Variants in ZC3HAV1 observed in about 807,000 individuals in gnomAD.
ZC3HAV1 encodes the protein zinc finger CCCH-type antiviral protein 1.
Under a neutral mutation model 86.6 loss-of-function variants are expected in ZC3HAV1, and 41 were observed. That is an observed-to-expected ratio of 0.47 (90% confidence interval 0.37 to 0.61). The LOEUF is 0.61. ZC3HAV1 is among the 20% of genes least tolerant of loss of function. The pLI is 0.00. For missense variants in ZC3HAV1, 964 were observed against 1,141.1 expected, an observed-to-expected ratio of 0.84 and a Z score of 2.24; for synonymous variants, 421 against 432.1, an observed-to-expected ratio of 0.97 and a Z score of 0.32.
At chr7:139,062,709 A>G (rs1314672611) in intron 8 of ZC3HAV1, among the ~76,000 whole-genome samples, 1 of 152,202 alleles carries the variant, frequency 6.6e-6, no homozygotes, top group Non-Finnish European at 1.5e-5. Context: ...AATGCATGAC[A>G]GAATACACTT....
At chr7:139,077,683 G>T (rs1436216434) in intron 5 of ZC3HAV1, among the ~76,000 whole-genome samples, 1 of 152,226 alleles carries the variant, frequency 6.6e-6, no homozygotes, top group Non-Finnish European at 1.5e-5. Flanking sequence ...AATGCCGGCT[G>T]AAGAATGAAT....
Position 139,109,227 on chromosome 7 carries a change from C to T in ZC3HAV1, c.105G>A (p.Pro35=). 1 of 1,610,652 alleles carries T rather than the reference C, an allele frequency of 6.2e-7. No individual in the cohort carries two copies. The highest frequency in any genetic ancestry group is 2.2e-5 in the East Asian group (1 of 44,754). Residue 35 remains proline (P), a synonymous_variant, in exon 1 of 13, where the codon CCG becomes CCA. Coordinates refer to ENST00000242351, the MANE Select transcript of ZC3HAV1 (RefSeq NM_020119.4). Reference sequence around the variant, plus strand: ...CCACCTGCAGCACCTCACAGAGCTGCGGCTCAGACAGCGCGATCTCCTGGA... The same window carrying T: ...CCACCTGCAGCACCTCACAGAGCTGTGGCTCAGACAGCGCGATCTCCTGGA... ...ALLQEIALSE[P]QLCEVLQVAG...
chr7:139,102,910 T>G lies in ZC3HAV1; in HGVS notation c.308+6114A>C, dbSNP rs567058608. Among the ~76,000 whole-genome samples, 28 of 146,998 alleles carry G rather than the reference T, an allele frequency of 1.9e-4. No individual in the cohort carries two copies. In the South Asian group the frequency reaches 6.0e-3, roughly 31 times the overall value. On this transcript the variant is annotated intron_variant, in intron 1 of 12. Transcript: ENST00000242351. ...ACTCCAGAGTGGTGACAGAACAAGA[T>G]CCTGTCTCAAAAAAAAAAAAAGTAT... is the stretch of plus-strand genomic sequence containing the variant.
intron 8 of ZC3HAV1, among the ~76,000 whole-genome samples, chr7:139,062,640 A>G (rs1177401790): frequency 2.0e-5 from 3 of 152,156 alleles, no homozygotes; most frequent in African/African-American, 2.4e-5. Flanking sequence ...CAACTTCATC[A>G]CTGTATCCCA....
chr7:139,107,473 T>A (rs1391129123), intron 1 of ZC3HAV1, among the ~76,000 whole-genome samples: 1 of 152,062 alleles, frequency 6.6e-6, no homozygotes, highest in East Asian at 1.9e-4. Context: ...ATATTGGGGG[T>A]GAGTGACTGG....
At chr7:139,053,852 C>A in intron 11 of ZC3HAV1, 113 bp downstream of exon 11, 1 of 1,358,462 alleles carries the variant, frequency 7.4e-7, no homozygotes, top group Non-Finnish European at 9.8e-7. Flanking sequence ...AGACTAGCGC[C>A]TAAAGGAACT....
intron 1 of ZC3HAV1, among the ~76,000 whole-genome samples, chr7:139,100,453 G>A (rs1010991189): frequency 1.3e-5 from 2 of 151,816 alleles, no homozygotes; most frequent in African/African-American, 4.8e-5. Context: ...AGAATGGCGT[G>A]AACCCAGGAG....
At chr7:139,084,388 A>G (rs1334074239) in intron 2 of ZC3HAV1, among the ~76,000 whole-genome samples, 2 of 152,374 alleles carry the variant, frequency 1.3e-5, no homozygotes, top group South Asian at 4.1e-4. Flanking sequence ...TGAAAAGGAC[A>G]TGTGGGTCTT....
chr7:139,103,415 T>C (rs971755124), intron 1 of ZC3HAV1, among the ~76,000 whole-genome samples: 3 of 152,044 alleles, frequency 2.0e-5, no homozygotes, highest in African/African-American at 7.2e-5. Flanking sequence ...AAAAAAATTT[T>C]TTTTGAATTC....
Position 139,073,877 on chromosome 7 carries a change from TG to T in ZC3HAV1, c.1850del (p.Thr617AsnfsTer45). On this transcript the variant is annotated frameshift_variant, in exon 7 of 13. Coordinates refer to ENST00000242351, the MANE Select transcript of ZC3HAV1 (RefSeq NM_020119.4). LOFTEE classifies it high-confidence loss of function. The stretch of plus-strand genomic sequence containing the variant: ...TCACCTCTTCTCCATACTGAATCCA[TG>T]TGCCAGATTCATTCTTCCAATACCA... The part of the protein sequence containing the change: ...WIWYWKNESG[T>X]WIQYGEEKDK... The T allele has an allele frequency of 1.2e-6, 2 of 1,613,062 alleles. No individual in the cohort carries two copies. Among genetic ancestry groups the T allele is most frequent in the Non-Finnish European group, 1.7e-6 (2 of 1,179,260 alleles).
At chr7:139,079,119 T>C in intron 4 of ZC3HAV1, 2 of 1,536,166 alleles carry the variant, frequency 1.3e-6, no homozygotes, top group Non-Finnish European at 1.7e-6. Context: ...GCAGAGCCTG[T>C]TGTCTTCCTT....
chr7:139,076,155 C>T, intron 6 of ZC3HAV1, 131 bp downstream of exon 6: 1 of 1,429,376 alleles, frequency 7.0e-7, no homozygotes, highest in Non-Finnish European at 9.5e-7. Context: ...TTTTTTATCT[C>T]AAGAGGTATT....
chr7:139,075,388 T>C (rs577604231), intron 6 of ZC3HAV1, among the ~76,000 whole-genome samples: 22 of 152,286 alleles, frequency 1.4e-4, no homozygotes, highest in Non-Finnish European at 2.4e-4. Context: ...ATAAATACGG[T>C]CATATGGGTA....
chr7:139,090,191 G>C (rs1468508922), intron 1 of ZC3HAV1, among the ~76,000 whole-genome samples: 5 of 152,140 alleles, frequency 3.3e-5, no homozygotes, highest in Admixed American at 2.6e-4. Context: ...AAAGTGCTGG[G>C]ATTACAGGTA....
At chr7:139,099,307 C>T (rs140705006) in intron 1 of ZC3HAV1, among the ~76,000 whole-genome samples, 1 of 152,272 alleles carries the variant, frequency 6.6e-6, no homozygotes, top group African/African-American at 2.4e-5. Flanking sequence ...TAACATGACT[C>T]CATGGACAGT....
intron 7 of ZC3HAV1, among the ~76,000 whole-genome samples, chr7:139,071,696 GC>G (rs1485531170): frequency 6.6e-6 from 1 of 152,166 alleles, no homozygotes; most frequent in Non-Finnish European, 1.5e-5. Flanking sequence ...CCACAGAGAT[GC>G]TACATGGGCC....
At chr7:139,071,739 G>C (rs908322982) in intron 7 of ZC3HAV1, among the ~76,000 whole-genome samples, 37 of 152,172 alleles carry the variant, frequency 2.4e-4, no homozygotes, top group African/African-American at 8.4e-4. Context: ...ACAAGGAGGG[G>C]TCCAGGAGAC....
At chr7:139,055,037 G>A (rs927362587) in intron 10 of ZC3HAV1, among the ~76,000 whole-genome samples, 168 bp downstream of exon 10, 3 of 152,196 alleles carry the variant, frequency 2.0e-5, no homozygotes, top group South Asian at 2.1e-4. Flanking sequence ...CAATCCACTC[G>A]CCTCGGCCTC....
At chr7:139,054,137 T>C (rs758329421) in intron 10 of ZC3HAV1, 42 bp from the exon 11 acceptor site, 1 of 1,528,850 alleles carries the variant, frequency 6.5e-7, no homozygotes, top group Non-Finnish European at 8.7e-7. Context: ...ATAGGAAACA[T>C]TTAAAGCATG....
Sources: gnomAD v4.1 joint callset for allele counts (sites outside exome capture counted in the v4.1 genomes callset) on GRCh38, gnomAD v4.1.1 for gene constraint, MANE v1.5 for transcripts, NCBI Gene and HGNC (gene_info 2026-07-23, HGNC 2026-07-21) for gene names.